The following CEP128 variants were observed in gnomAD, a reference collection of about 807,000 sequenced individuals.
CEP128 encodes the protein centrosomal protein 128.
CEP128 carries 132 observed loss-of-function variants against 156.7 expected under a neutral mutation model. The ratio of observed to expected loss-of-function variants is 0.84; its 90% CI spans 0.73 to 0.97. The LOEUF (loss-of-function observed/expected upper bound fraction) is 0.97. Among genes scored for constraint, CEP128 ranks in the 50% least tolerant of loss-of-function variants. CEP128 has a pLI of 0.00. For synonymous variants in CEP128, 469 were observed against 448.9 expected, an observed-to-expected ratio of 1.04 and a Z score of -0.57; for missense variants, 1,252 against 1,281.9, an observed-to-expected ratio of 0.98 and a Z score of 0.36.
chr14:80,810,323 C>CAAAAAAAAAAAAAAAA (rs71103883), intron 13 of CEP128, among the ~76,000 whole-genome samples: 12 of 15,196 alleles, frequency 7.9e-4, no homozygotes, highest in East Asian at 2.7e-3. Context: ...ACTCCATCTC[C>CAAAAAAAAAAAAAAAA]AAAAAAAAAA....
chr14:80,633,744 A>G (rs1438150289), intron 19 of CEP128, among the ~76,000 whole-genome samples: 1 of 152,142 alleles, frequency 6.6e-6, no homozygotes, highest in Non-Finnish European at 1.5e-5. Context: ...TGCATAGCTC[A>G]TTGTCTGGTT....
At chr14:80,562,366 A>G (rs1890722789) in intron 20 of CEP128, among the ~76,000 whole-genome samples, 1 of 152,134 alleles carries the variant, frequency 6.6e-6, no homozygotes, top group Admixed American at 6.5e-5. Flanking sequence ...CAATATGCCA[A>G]TCAACAATAG....
chr14:80,932,067 T>C (rs1885500582), intron 2 of CEP128, among the ~76,000 whole-genome samples: 1 of 152,202 alleles, frequency 6.6e-6, no homozygotes, highest in Admixed American at 6.5e-5. Flanking sequence ...TCACAAGATC[T>C]GATGGTTTTA....
At chr14:80,639,831 G>T (rs1290292697) in intron 19 of CEP128, among the ~76,000 whole-genome samples, 1 of 152,212 alleles carries the variant, frequency 6.6e-6, no homozygotes, top group South Asian at 2.1e-4. Context: ...GGAGTAAGAA[G>T]GTTGACTAGC....
intron 18 of CEP128, among the ~76,000 whole-genome samples, chr14:80,753,730 C>G (rs187863768): frequency 1.3e-5 from 2 of 152,302 alleles, no homozygotes; most frequent in East Asian, 1.9e-4. Context: ...CTATCAGTCT[C>G]TCTGGTGGAA....
chr14:80,925,420 G>A lies in CEP128; in HGVS notation c.-15-8858C>T, dbSNP rs1459096474. Among the ~76,000 whole-genome samples, 3 of 152,108 alleles carry A rather than the reference G, an allele frequency of 2.0e-5. No homozygotes were observed. The East Asian group carries it at 5.8e-4, about 29-fold the overall frequency. On this transcript the variant is annotated intron_variant, in intron 2 of 24. Coordinates refer to ENST00000555265, the MANE Select transcript of CEP128 (RefSeq NM_152446.5). ...ATGAAAAGAAGGGTTTCAAAAAAGT[G>A]AGAAAAAAACTGTTAGAATTTCCCA...
At chr14:80,601,290 G>A (rs372366913) in intron 19 of CEP128, among the ~76,000 whole-genome samples, 1 of 152,080 alleles carries the variant, frequency 6.6e-6, no homozygotes, top group Non-Finnish European at 1.5e-5. Flanking sequence ...TGAGAAGTGT[G>A]GTGTTCTGAG....
Position 80,914,359 on chromosome 14 carries a change from C to T in CEP128, c.197G>A (p.Arg66Gln), listed in dbSNP as rs765556143. The T allele has an allele frequency of 3.1e-6, 5 of 1,613,776 alleles. No homozygotes were observed. The South Asian group carries it at 3.3e-5, about 11-fold the overall frequency. Reference protein sequence around the residue: ...RQVDQMLGRYREYSNGQAGAI... With the variant: ...RQVDQMLGRYQEYSNGQAGAI... ...ACCCGCCTGTCCATTACTGTATTCTCGGTATCGTCCAAGCATCTGGTCCAC... is the reference window on the plus strand; with the variant it reads ...ACCCGCCTGTCCATTACTGTATTCTTGGTATCGTCCAAGCATCTGGTCCAC... Residue 66 changes from arginine (R) to glutamine (Q), a missense_variant, in exon 4 of 25, where the codon CGA becomes CAA. Arg to Gln is a conservative substitution (Grantham distance 43, BLOSUM62 1). Transcript: ENST00000555265.
At chr14:80,858,134 G>C (rs1887301793) in intron 9 of CEP128, among the ~76,000 whole-genome samples, 1 of 151,670 alleles carries the variant, frequency 6.6e-6, no homozygotes. Context: ...CACACTACCT[G>C]ACTTCAAACT....
chr14:80,623,458 A>T (rs1397950779), intron 19 of CEP128, among the ~76,000 whole-genome samples: 1 of 151,892 alleles, frequency 6.6e-6, no homozygotes, highest in African/African-American at 2.4e-5. Flanking sequence ...TTAAAGTATA[A>T]TAATAATAAA....
In CEP128 at chr14:80,639,158, C is replaced by T. The variant is rs933096408; in HGVS notation, c.2807-58735G>A. On this transcript the variant is annotated intron_variant, in intron 19 of 24. Coordinates refer to ENST00000555265, the MANE Select transcript of CEP128 (RefSeq NM_152446.5). ...AATATTATATTCTTTATTCTATTTC[C>T]ACAAATGAGATTCAAATTCATTTTA... is the stretch of plus-strand genomic sequence containing the variant. 3.9e-5 allele frequency among the ~76,000 whole-genome samples: 6 copies of T among 152,048 alleles called. No homozygotes were observed. The South Asian group carries it at 1.2e-3, about 32-fold the overall frequency.
At chr14:80,563,645 TG>T (rs1209441297) in intron 20 of CEP128, among the ~76,000 whole-genome samples, 1 of 149,824 alleles carries the variant, frequency 6.7e-6, no homozygotes, top group African/African-American at 2.5e-5. Context: ...GTGATTCTCC[TG>T]TCTCAGGCTC....
intron 2 of CEP128, among the ~76,000 whole-genome samples, chr14:80,921,110 G>A (rs551668707): frequency 1.2e-4 from 18 of 152,218 alleles, no homozygotes; most frequent in African/African-American, 3.9e-4. Flanking sequence ...GACAAAGCAC[G>A]GGATAAAAGC....
chr14:80,561,646 G>A (rs1187131766), intron 20 of CEP128, among the ~76,000 whole-genome samples: 3 of 152,006 alleles, frequency 2.0e-5, no homozygotes, highest in East Asian at 1.9e-4. Context: ...TAAGATTAAC[G>A]TATTTTAAAA....
chr14:80,611,698 C>G (rs1026604362), intron 19 of CEP128, among the ~76,000 whole-genome samples: 2 of 152,076 alleles, frequency 1.3e-5, no homozygotes, highest in Non-Finnish European at 2.9e-5. Context: ...TCTAAGTATT[C>G]CCAAAGTTAA....
intron 8 of CEP128, among the ~76,000 whole-genome samples, chr14:80,879,555 A>G (rs186794502): frequency 7.3e-4 from 111 of 152,276 alleles, no homozygotes; most frequent in African/African-American, 2.6e-3. Context: ...TCAATGAGAC[A>G]AGAATAAAAT....
At chr14:80,831,369 C>T (rs1885789395) in intron 12 of CEP128, 75 bp from the exon 13 acceptor site, 1 of 1,412,362 alleles carries the variant, frequency 7.1e-7, no homozygotes, top group Non-Finnish European at 9.8e-7. Flanking sequence ...AGTACTGAGC[C>T]CTGATGTTTC....
At chr14:80,652,919 G>T (rs117339862) in intron 19 of CEP128, among the ~76,000 whole-genome samples, 1 of 152,130 alleles carries the variant, frequency 6.6e-6, no homozygotes, top group Non-Finnish European at 1.5e-5. Context: ...GTTCATAACA[G>T]CAAAGACTTG....
intron 23 of CEP128, among the ~76,000 whole-genome samples, chr14:80,509,432 C>A (rs1343306046): frequency 1.3e-5 from 2 of 152,194 alleles, no homozygotes; most frequent in Admixed American, 6.5e-5. Context: ...ATTTGTATAT[C>A]TTCTTTTGAG....
Sources: gnomAD v4.1 joint callset for allele counts (sites outside exome capture counted in the v4.1 genomes callset) on GRCh38, gnomAD v4.1.1 for gene constraint, MANE v1.5 for transcripts, NCBI Gene and HGNC (gene_info 2026-07-23, HGNC 2026-07-21) for gene names.